TCF12: variants seen among roughly 807,000 people sequenced by gnomAD.
TCF12 encodes the protein transcription factor 12.
A neutral mutation model predicts 86.0 loss-of-function variants in TCF12; 45 were observed. The ratio of observed to expected loss-of-function variants is 0.52; its 90% CI spans 0.41 to 0.67. The LOEUF (loss-of-function observed/expected upper bound fraction) is 0.67. Among genes scored for constraint, TCF12 ranks in the 30% least tolerant of loss-of-function variants. The pLI, the probability that TCF12 is intolerant of heterozygous loss-of-function variation, is 0.00. For synonymous variants in TCF12, 330 were observed against 299.6 expected (o/e 1.10, Z -1.05); for missense variants, 881 against 859.9 (o/e 1.02, Z -0.31).
At chr15:56,983,948 A>G (rs2063019435) in intron 3 of TCF12, among the ~76,000 whole-genome samples, 1 of 143,182 alleles carries the variant, frequency 7.0e-6, no homozygotes, top group South Asian at 2.3e-4. Flanking sequence ...GCTGCAGTAA[A>G]CTATGATTGT....
chr15:57,200,744 A>G (rs1327114642), intron 8 of TCF12, among the ~76,000 whole-genome samples: 1 of 152,220 alleles, frequency 6.6e-6, no homozygotes, highest in Non-Finnish European at 1.5e-5. Context: ...AAACTGTTTT[A>G]TATTTAGGTA....
intron 3 of TCF12, among the ~76,000 whole-genome samples, chr15:57,055,971 C>T (rs1171931317): frequency 6.6e-6 from 1 of 151,974 alleles, no homozygotes; most frequent in Non-Finnish European, 1.5e-5. Flanking sequence ...TGTTTGTTTT[C>T]TTTTAATCCT....
intron 5 of TCF12, among the ~76,000 whole-genome samples, chr15:57,141,474 C>T (rs939492286): frequency 3.9e-5 from 6 of 152,130 alleles, no homozygotes; most frequent in African/African-American, 9.7e-5. Context: ...CTCAGCCTCC[C>T]GAGTAGCTGG....
At chr15:57,127,063 A>G (rs1452183005) in intron 5 of TCF12, among the ~76,000 whole-genome samples, 6 of 150,472 alleles carry the variant, frequency 4.0e-5, no homozygotes, top group African/African-American at 7.3e-5. Context: ...GCTCACTGCA[A>G]CCTCCACCTC....
At chr15:57,253,152 A>G in intron 15 of TCF12, 110 bp from the exon 16 acceptor site, 1 of 1,170,388 alleles carries the variant, frequency 8.5e-7, no homozygotes, top group Non-Finnish European at 1.2e-6. Flanking sequence ...GCTACTTGAT[A>G]CTGCATTTCA....
intron 3 of TCF12, 134 bp downstream of exon 3, chr15:56,921,232 A>G (rs2140171004): frequency 2.0e-6 from 1 of 503,530 alleles, no homozygotes; most frequent in Non-Finnish European, 3.1e-6. Flanking sequence ...AGTGATAATT[A>G]GTAAGATTTA....
chr15:57,134,382 T>A (rs2052369056), intron 5 of TCF12: 1 of 152,222 alleles, frequency 6.6e-6, no homozygotes, highest in African/African-American at 2.4e-5. Flanking sequence ...AAATTGATGC[T>A]GAGTTCAGTA....
chr15:57,195,793 A>G (rs1415549948), intron 7 of TCF12, among the ~76,000 whole-genome samples: 8 of 152,198 alleles, frequency 5.3e-5, no homozygotes, highest in Non-Finnish European at 1.0e-4. Flanking sequence ...ACTTGAGACC[A>G]GGAGTTCAAA....
At chr15:57,252,352 A>G (rs538805465) in intron 14 of TCF12, 69 bp from the exon 15 acceptor site, 17 of 1,204,464 alleles carry the variant, frequency 1.4e-5, no homozygotes, top group Admixed American at 1.4e-4. Flanking sequence ...CATATCAGCT[A>G]TTTCCTCATC....
At chr15:57,005,630 C>T (rs1479352892) in intron 3 of TCF12, among the ~76,000 whole-genome samples, 2 of 152,110 alleles carry the variant, frequency 1.3e-5, no homozygotes, top group Admixed American at 1.3e-4. Context: ...TGCAGTGGTG[C>T]AGTCATGGCT....
chr15:57,255,799 G>GA (rs5812879), intron 16 of TCF12, among the ~76,000 whole-genome samples: 6,115 of 149,290 alleles, frequency 0.041, 362 homozygotes, highest in Admixed American at 0.17. Context: ...TTCGTAAAAA[G>GA]AAAAAAAAAA....
intron 3 of TCF12, among the ~76,000 whole-genome samples, chr15:56,976,356 A>G (rs2062604045): frequency 6.7e-6 from 1 of 148,246 alleles, no homozygotes. Flanking sequence ...TCAGCCTCCC[A>G]AGTAGCTGGA....
intron 7 of TCF12, among the ~76,000 whole-genome samples, chr15:57,193,361 C>T (rs892051731): frequency 6.6e-6 from 1 of 152,180 alleles, no homozygotes; most frequent in Non-Finnish European, 1.5e-5. Flanking sequence ...AGTTCTGAAA[C>T]GTTACTGCAA....
intron 16 of TCF12, among the ~76,000 whole-genome samples, chr15:57,258,341 TAA>T (rs1307422958): frequency 6.6e-6 from 1 of 152,192 alleles, no homozygotes; most frequent in Non-Finnish European, 1.5e-5. Flanking sequence ...CTCTGCAATA[TAA>T]AGTTAGCGAC....
intron 5 of TCF12, among the ~76,000 whole-genome samples, chr15:57,162,185 G>T (rs374405313): frequency 6.6e-6 from 1 of 151,762 alleles, no homozygotes; most frequent in African/African-American, 2.4e-5. Flanking sequence ...ACTGTTTTCA[G>T]CTGAAGTTGA....
intron 5 of TCF12, among the ~76,000 whole-genome samples, chr15:57,149,306 A>G (rs931060601): frequency 2.0e-5 from 3 of 152,220 alleles, no homozygotes; most frequent in Admixed American, 2.0e-4. Context: ...CCTACACAAC[A>G]AAATACATGA....
chr15:57,184,715 AT>A (rs2056564934), intron 6 of TCF12, among the ~76,000 whole-genome samples: 1 of 152,164 alleles, frequency 6.6e-6, no homozygotes, highest in Non-Finnish European at 1.5e-5. Flanking sequence ...TGATCTTGCC[AT>A]TTAAGCAATA....
chr15:56,932,803 C>A (rs757884577), intron 3 of TCF12, among the ~76,000 whole-genome samples: 55 of 152,120 alleles, frequency 3.6e-4, no homozygotes, highest in Non-Finnish European at 6.8e-4. Context: ...CCCACCTTGG[C>A]CTCCCAAAGT....
At chr15:57,108,327 C>T (rs562292042) in intron 5 of TCF12, among the ~76,000 whole-genome samples, 4 of 152,108 alleles carry the variant, frequency 2.6e-5, no homozygotes, top group East Asian at 1.9e-4. Context: ...TTCTTCTCCC[C>T]GTACCCCCAA....
Sources: gnomAD v4.1 joint callset for allele counts (sites outside exome capture counted in the v4.1 genomes callset) on GRCh38, gnomAD v4.1.1 for gene constraint, MANE v1.5 for transcripts, NCBI Gene and HGNC (gene_info 2026-07-23, HGNC 2026-07-21) for gene names.